The following SLC28A3 variants were observed in gnomAD, a reference collection of about 807,000 sequenced individuals.
SLC28A3 encodes the protein solute carrier family 28 member 3.
Under a neutral mutation model 84.2 loss-of-function variants are expected in SLC28A3, and 68 were observed. The ratio of observed to expected loss-of-function variants is 0.81; its 90% CI spans 0.66 to 0.99. SLC28A3 has a LOEUF of 0.99. SLC28A3 is among the 50% of genes least tolerant of loss of function. The probability of loss-of-function intolerance (pLI) is 0.00; values close to 1 mark genes in which losing one functional copy is unlikely to be tolerated. For synonymous variants in SLC28A3, 267 were observed against 303.6 expected, an observed-to-expected ratio of 0.88 and a Z score of 1.25; for missense variants, 712 against 841.5, an observed-to-expected ratio of 0.85 and a Z score of 1.90.
intron 12 of SLC28A3, among the ~76,000 whole-genome samples, chr9:84,287,074 C>T (rs956803251): frequency 2.6e-5 from 4 of 152,010 alleles, no homozygotes; most frequent in East Asian, 1.9e-4. Context: ...TGTGGTGCTG[C>T]GTGCCTGTAG....
At position 84,286,001 on chromosome 9, in the gene SLC28A3, A is replaced by G. The variant is rs1271853732; in HGVS notation, c.1391T>C (p.Met464Thr). ...TCCAAACCAGGACAGGGCTGAATTC[A>G]TAAAAGACAGCAGGGCCAGGAAGGC... ...LIAFLALLSF[M>T]NSALSWFGNM... The change falls in exon 13 of 18, where the codon ATG becomes ACG. Residue 464 changes from methionine to threonine, a missense_variant. Met to Thr is a moderately conservative substitution (Grantham distance 81). Transcript: ENST00000376238. 1 of 1,614,140 alleles carries G rather than the reference A, an allele frequency of 6.2e-7. No homozygotes were observed. The highest frequency in any genetic ancestry group is 1.1e-5 in the South Asian group (1 of 91,046).
intron 2 of SLC28A3, among the ~76,000 whole-genome samples, chr9:84,311,275 T>G (rs1825979132): frequency 6.6e-6 from 1 of 152,232 alleles, no homozygotes; most frequent in African/African-American, 2.4e-5. Context: ...GAAAAAAATA[T>G]TTTAAAAATA....
chr9:84,309,784 G>A, intron 2 of SLC28A3, 70 bp from the exon 3 acceptor site: 1 of 1,352,448 alleles, frequency 7.4e-7, no homozygotes. Context: ...TGGTTTCATT[G>A]CTCAGAACTC....
At chr9:84,333,187 C>T (rs560238656) in intron 1 of SLC28A3, among the ~76,000 whole-genome samples, 6 of 152,076 alleles carry the variant, frequency 3.9e-5, no homozygotes, top group African/African-American at 1.2e-4. Flanking sequence ...ATAATACAGA[C>T]GAAATGGGGT....
At chr9:84,293,086 A>C (rs1327346504) in intron 9 of SLC28A3, among the ~76,000 whole-genome samples, 1 of 152,260 alleles carries the variant, frequency 6.6e-6, no homozygotes, top group African/African-American at 2.4e-5. Context: ...AGCCCTTGAC[A>C]GTCCAGAAAA....
intron 10 of SLC28A3, among the ~76,000 whole-genome samples, chr9:84,291,486 G>A (rs112590572): frequency 0.1 from 15,671 of 152,128 alleles, 905 homozygotes; most frequent in African/African-American, 0.16. Context: ...CCAGGCATAC[G>A]CCACCATGCC....
At chr9:84,319,781 CAG>C (rs1564170115) in intron 1 of SLC28A3, among the ~76,000 whole-genome samples, 1 of 151,978 alleles carries the variant, frequency 6.6e-6, no homozygotes, top group African/African-American at 2.4e-5. Context: ...GGAAGGAGAC[CAG>C]AGAAGTCTAA....
intron 3 of SLC28A3, among the ~76,000 whole-genome samples, chr9:84,307,929 C>T (rs1209696785): frequency 6.6e-6 from 1 of 152,144 alleles, no homozygotes; most frequent in African/African-American, 2.4e-5. Flanking sequence ...ACCTGAGTAC[C>T]TCTGACCACC....
At chr9:84,311,245 A>G (rs1293335909) in intron 2 of SLC28A3, among the ~76,000 whole-genome samples, 1 of 152,192 alleles carries the variant, frequency 6.6e-6, no homozygotes, top group Non-Finnish European at 1.5e-5. Context: ...ATTGAAAAAT[A>G]TCTAAATTTT....
At chr9:84,307,432 A>G (rs78709111) in intron 3 of SLC28A3, among the ~76,000 whole-genome samples, 1 of 143,786 alleles carries the variant, frequency 7.0e-6, no homozygotes, top group Non-Finnish European at 1.5e-5. Context: ...CTCCATCTCA[A>G]AAAAAAAAAA....
At chr9:84,285,190 C>T (rs1239954369) in intron 14 of SLC28A3, among the ~76,000 whole-genome samples, 155 bp downstream of exon 14, 1 of 152,224 alleles carries the variant, frequency 6.6e-6, no homozygotes, top group Non-Finnish European at 1.5e-5. Context: ...GTGCTATGTA[C>T]ATTATAAGCT....
intron 5 of SLC28A3, among the ~76,000 whole-genome samples, chr9:84,301,467 A>C (rs998656537): frequency 6.6e-6 from 1 of 151,964 alleles, no homozygotes; most frequent in Non-Finnish European, 1.5e-5. Context: ...GATATCTCCC[A>C]TTGAATAAAA....
Position 84,279,883 on chromosome 9 carries a change from G to A in SLC28A3, c.1828+92C>T, listed in dbSNP as rs1048746499. Reference sequence around the variant, plus strand: ...CTAACTCTCAGCTTTCTGTGGCAGCGTGTGCTGCACATGCAAGCTGGAGGC... The same window carrying A: ...CTAACTCTCAGCTTTCTGTGGCAGCATGTGCTGCACATGCAAGCTGGAGGC... On this transcript the variant is annotated intron_variant, in intron 16 of 17. Transcript: ENST00000376238. 14 of 1,190,196 alleles carry A rather than the reference G, an allele frequency of 1.2e-5. 1 individual carries two copies. The highest frequency in any genetic ancestry group is 2.2e-4 in the Middle Eastern group (1 of 4,468). 73.7% of individuals were successfully genotyped at this position (1,190,196 alleles called of 1,614,324 possible). A position where few individuals can be genotyped will look rare whatever the true frequency, so the allele number is the denominator to read the frequency against.
At chr9:84,316,826 C>T (rs1479071084) in intron 1 of SLC28A3, among the ~76,000 whole-genome samples, 3 of 152,046 alleles carry the variant, frequency 2.0e-5, no homozygotes, top group Non-Finnish European at 4.4e-5. Context: ...TATGGTAACA[C>T]CTCGTCTCTA....
chr9:84,361,232 T>C, the SLC28A3 span, among the ~76,000 whole-genome samples: 1 of 151,794 alleles, frequency 6.6e-6, no homozygotes, highest in African/African-American at 2.4e-5. Flanking sequence ...GTAATCCCAG[T>C]TACTCGGGAG....
chr9:84,336,912 T>C (rs1826995943), intron 1 of SLC28A3, among the ~76,000 whole-genome samples: 1 of 152,130 alleles, frequency 6.6e-6, no homozygotes, highest in South Asian at 2.1e-4. Flanking sequence ...TGACCATCCT[T>C]AAAGCCCTAA....
chr9:84,286,187 T>C lies in SLC28A3; in HGVS notation c.1281-76A>G, dbSNP rs950964005. 2.8e-6 allele frequency: 4 copies of C among 1,417,948 alleles called. No homozygotes were observed. In the African/African-American group the frequency reaches 5.7e-5, roughly 20 times the overall value. 87.8% of individuals were successfully genotyped at this position (1,417,948 alleles called of 1,614,324 possible). On this transcript the variant is annotated intron_variant, in intron 12 of 17. Transcript: ENST00000376238. Reference sequence around the variant, plus strand: ...GGACACCATTGGTGCAGAAGTAGCATAATCAGAGCTTAGATAAGAGACAAA... The same window carrying C: ...GGACACCATTGGTGCAGAAGTAGCACAATCAGAGCTTAGATAAGAGACAAA...
chr9:84,297,934 G>T lies in SLC28A3; in HGVS notation c.755C>A (p.Ala252Asp). The stretch of plus-strand genomic sequence containing the variant: ...AACTTGTCTGCCCAACCAATCAAAA[G>T]CTATAAATCCAGGGTCAGTCCTTAG... ...LILRTDPGFI[A>D]FDWLGRQVQT... Residue 252 changes from alanine (A) to aspartate (D), a missense_variant, in exon 7 of 18, where the codon GCT (alanine) becomes GAT (aspartate). By Grantham distance (126) the Ala-to-Asp change is moderately radical. Coordinates refer to ENST00000376238, the MANE Select transcript of SLC28A3 (RefSeq NM_001199633.2). 6.2e-7 allele frequency: 1 copy of T among 1,607,512 alleles called. No individual in the cohort carries two copies.
chr9:84,314,453 G>C (rs919572873), intron 1 of SLC28A3, among the ~76,000 whole-genome samples: 1 of 152,130 alleles, frequency 6.6e-6, no homozygotes, highest in South Asian at 2.1e-4. Flanking sequence ...TTAGCCCAAC[G>C]ACTATGACTG....
Sources: gnomAD v4.1 joint callset for allele counts (sites outside exome capture counted in the v4.1 genomes callset) on GRCh38, gnomAD v4.1.1 for gene constraint, MANE v1.5 for transcripts, NCBI Gene and HGNC (gene_info 2026-07-23, HGNC 2026-07-21) for gene names.